The following KIF2A variants were observed in gnomAD, a reference collection of about 807,000 sequenced individuals.
The protein encoded by KIF2A is kinesin-like protein KIF2A.
In KIF2A, 22 loss-of-function variants were observed where a neutral mutation model predicts 100.2. The ratio of observed to expected loss-of-function variants is 0.22; its 90% CI spans 0.16 to 0.31. The LOEUF (loss-of-function observed/expected upper bound fraction) is 0.31. KIF2A is among the 10% of genes least tolerant of loss of function. The probability of loss-of-function intolerance (pLI) is 1.00; values close to 1 mark genes in which losing one functional copy is unlikely to be tolerated. For synonymous variants in KIF2A, 268 were observed against 285.9 expected, an observed-to-expected ratio of 0.94 and a Z score of 0.63; for missense variants, 495 against 898.7, an observed-to-expected ratio of 0.55 and a Z score of 5.74.
intron 16 of KIF2A, among the ~76,000 whole-genome samples, chr5:62,368,367 G>A (rs921200292): frequency 1.3e-5 from 2 of 151,254 alleles, no homozygotes; most frequent in African/African-American, 4.9e-5. Flanking sequence ...AACCCCCCGG[G>A]TTTTTTTTGC....
intron 1 of KIF2A, among the ~76,000 whole-genome samples, chr5:62,312,056 T>G (rs761824863): frequency 8.5e-5 from 13 of 152,302 alleles, no homozygotes; most frequent in Non-Finnish European, 1.9e-4. Context: ...TGGTGTGAAG[T>G]TGTATACTTT....
chr5:62,384,798 T>A (rs1052371679), intron 20 of KIF2A, among the ~76,000 whole-genome samples: 2 of 152,172 alleles, frequency 1.3e-5, no homozygotes, highest in Admixed American at 1.3e-4. Flanking sequence ...GGACAAAATG[T>A]AAATTTCTAA....
At chr5:62,358,868 G>A (rs1010338942) in intron 9 of KIF2A, among the ~76,000 whole-genome samples, 3 of 152,218 alleles carry the variant, frequency 2.0e-5, no homozygotes, top group East Asian at 3.9e-4. Context: ...TTGAGGTTTC[G>A]CCATGTTGCC....
chr5:62,333,147 G>A (rs115150136), intron 1 of KIF2A, among the ~76,000 whole-genome samples: 173 of 152,272 alleles, frequency 1.1e-3, no homozygotes, highest in African/African-American at 4.0e-3. Context: ...TTTAAAATGC[G>A]AATTGAGTTT....
intron 1 of KIF2A, among the ~76,000 whole-genome samples, chr5:62,327,353 G>GC (rs1229564121): frequency 3.9e-5 from 6 of 152,076 alleles, no homozygotes; most frequent in Non-Finnish European, 8.8e-5. Flanking sequence ...AAATTTCTCT[G>GC]CATCTGTTTA....
intron 1 of KIF2A, among the ~76,000 whole-genome samples, chr5:62,343,279 A>G (rs1561263039): frequency 1.3e-5 from 2 of 151,876 alleles, no homozygotes; most frequent in African/African-American, 4.8e-5. Flanking sequence ...TAGGTCATCA[A>G]TTTCACCCAC....
intron 8 of KIF2A, 55 bp downstream of exon 8, chr5:62,357,800 A>G (rs1748191037): frequency 3.9e-6 from 4 of 1,035,762 alleles, no homozygotes; most frequent in Middle Eastern, 2.0e-4. Context: ...TTTGTAATGT[A>G]TTTTTATAAT....
At position 62,352,642 on chromosome 5, in the gene KIF2A, C is replaced by T; in HGVS notation, c.389C>T (p.Ala130Val). Residue 130 changes from alanine (A) to valine (V), a missense_variant, in exon 5 of 21, where the codon GCA (alanine) becomes GTA (valine). Physicochemically the swap from Ala to Val is moderately conservative, Grantham distance 64 (BLOSUM62 0). This residue lies in a region of KIF2A where 115 missense variants were observed against 143.6 expected (regional missense o/e 0.80). Coordinates refer to ENST00000407818, the MANE Select transcript of KIF2A (RefSeq NM_001098511.3). The part of the protein sequence containing the change: ...PSQFPEQSSS[A>V]QQNGSVSDIS... ...CAATTTCCTGAACAGTCTTCCTCTG[C>T]ACAACAGAATGGTAGTGTTTCAGAT... 6.2e-7 allele frequency: 1 copy of T among 1,608,144 alleles called. No homozygotes were observed. The highest frequency in any genetic ancestry group is 8.5e-7 in the Non-Finnish European group (1 of 1,176,598).
At chr5:62,343,508 T>C (rs935585791) in intron 1 of KIF2A, among the ~76,000 whole-genome samples, 21 of 152,192 alleles carry the variant, frequency 1.4e-4, no homozygotes, top group Non-Finnish European at 2.5e-4. Context: ...GGTCAGATCA[T>C]GTAGGGCTTT....
intron 20 of KIF2A, 67 bp downstream of exon 20, chr5:62,381,320 T>C: frequency 7.7e-7 from 1 of 1,291,636 alleles, no homozygotes. Flanking sequence ...GTGAGAGGGC[T>C]TCTTCGTATT....
In KIF2A at chr5:62,322,941, A is replaced by AT. The variant is rs1746177989; in HGVS notation, c.64+16405_64+16406insT. ...GAATGTGATTCAATTTAGTAAAAAAAAAAAAAAATCAGCTTTATTAAAACA... is the reference window on the plus strand; with the variant it reads ...GAATGTGATTCAATTTAGTAAAAAAATAAAAAAAATCAGCTTTATTAAAACA... On this transcript the variant is annotated intron_variant, in intron 1 of 20. Transcript: ENST00000407818. Among the ~76,000 whole-genome samples, 7 of 149,922 alleles carry AT rather than the reference A, an allele frequency of 4.7e-5. No individual in the cohort carries two copies. The South Asian group carries it at 1.5e-3, about 31-fold the overall frequency.
chr5:62,357,795 A>G, intron 8 of KIF2A, 50 bp downstream of exon 8: 1 of 1,113,172 alleles, frequency 9.0e-7, no homozygotes, highest in Non-Finnish European at 1.3e-6. Context: ...TCTTATTTGT[A>G]ATGTATTTTT....
At chr5:62,325,115 C>T (rs944819452) in intron 1 of KIF2A, among the ~76,000 whole-genome samples, 1 of 150,582 alleles carries the variant, frequency 6.6e-6, no homozygotes, top group Non-Finnish European at 1.5e-5. Flanking sequence ...TGTTGTAAAG[C>T]TTTTCTTTTC....
At chr5:62,331,640 G>A (rs1050400106) in intron 1 of KIF2A, among the ~76,000 whole-genome samples, 1 of 151,548 alleles carries the variant, frequency 6.6e-6, no homozygotes, top group African/African-American at 2.4e-5. Context: ...AGTATGAAGA[G>A]AAATTTTTAT....
At chr5:62,329,106 A>G (rs573140465) in intron 1 of KIF2A, among the ~76,000 whole-genome samples, 229 of 152,294 alleles carry the variant, frequency 1.5e-3, no homozygotes, top group Non-Finnish European at 2.5e-3. Context: ...AATCTTAGCT[A>G]TATCATTTTC....
intron 20 of KIF2A, among the ~76,000 whole-genome samples, chr5:62,382,850 C>T (rs1260526627): frequency 6.6e-6 from 1 of 151,796 alleles, no homozygotes; most frequent in Non-Finnish European, 1.5e-5. Context: ...TGGTCTTGAA[C>T]TCCTCACCTC....
intron 1 of KIF2A, among the ~76,000 whole-genome samples, chr5:62,339,200 A>G (rs1747138251): frequency 6.6e-6 from 1 of 152,162 alleles, no homozygotes; most frequent in Non-Finnish European, 1.5e-5. Context: ...AAGGGGGAGC[A>G]GGAGCAAGAG....
chr5:62,384,366 A>T (rs1480617836), intron 20 of KIF2A, among the ~76,000 whole-genome samples: 1 of 152,222 alleles, frequency 6.6e-6, no homozygotes, highest in Non-Finnish European at 1.5e-5. Flanking sequence ...AAGGGGAGGA[A>T]AATTGAGATT....
Position 62,390,695 on chromosome 5 carries a change from C to T in KIF2A, c.*5126C>T, listed in dbSNP as rs1457906267. Reference sequence around the variant, plus strand: ...TACTACTGTTCTTAAAGAAAATGTTCATTCTGCTGCAGCTAACTAGCCTCC... The same window carrying T: ...TACTACTGTTCTTAAAGAAAATGTTTATTCTGCTGCAGCTAACTAGCCTCC... On this transcript the variant is annotated 3_prime_UTR_variant, in exon 21 of 21. Transcript: ENST00000407818. Among the ~76,000 whole-genome samples the T allele has an allele frequency of 6.6e-6, 1 of 152,106 alleles. No individual in the cohort carries two copies. Among genetic ancestry groups the T allele is most frequent in the East Asian group, 1.9e-4 (1 of 5,190 alleles).
Sources: allele counts gnomAD v4.1 joint callset (sites outside exome capture counted in the v4.1 genomes callset), GRCh38; gene constraint gnomAD v4.1.1; regional missense constraint gnomAD v4.1.1; transcripts MANE v1.5; gene names NCBI Gene and HGNC (gene_info 2026-07-23, HGNC 2026-07-21).